Variants in RACGAP1 observed in about 807,000 individuals in gnomAD.
RACGAP1 encodes rac GTPase-activating protein 1.
Under a neutral mutation model 78.1 loss-of-function variants are expected in RACGAP1, and 30 were observed. The observed-to-expected ratio is 0.38, with a 90% CI of 0.29 to 0.52. The LOEUF (loss-of-function observed/expected upper bound fraction) is 0.52, where lower values mean the gene tolerates loss of function less well. RACGAP1 is among the 20% of genes least tolerant of loss of function. The pLI is 0.82. For synonymous variants in RACGAP1, 231 were observed against 264.8 expected, an observed-to-expected ratio of 0.87 and a Z score of 1.24; for missense variants, 587 against 777.1, an observed-to-expected ratio of 0.76 and a Z score of 2.91.
chr12:50,002,175 T>C (rs1212842770), intron 6 of RACGAP1, 72 bp downstream of exon 6: 6 of 1,308,566 alleles, frequency 4.6e-6, no homozygotes, highest in Non-Finnish European at 6.5e-6. Context: ...GAATGCAGTA[T>C]CATGGCAAAA....
upstream of RACGAP1, among the ~76,000 whole-genome samples, chr12:50,027,094 T>G (rs1021821414): frequency 7.2e-5 from 11 of 152,328 alleles, no homozygotes; most frequent in South Asian, 4.1e-4. Context: ...TCTCACAGGT[T>G]TATTCCCAGA....
chr12:49,992,777 G>A (rs1189804336), intron 12 of RACGAP1, 122 bp from the exon 13 acceptor site: 4 of 596,702 alleles, frequency 6.7e-6, no homozygotes, highest in Non-Finnish European at 1.1e-5. Context: ...ATTAGTTCAT[G>A]ACTACATCAG....
chr12:49,998,358 C>T (rs1344001745), intron 9 of RACGAP1, among the ~76,000 whole-genome samples: 2 of 151,130 alleles, frequency 1.3e-5, no homozygotes, highest in African/African-American at 4.9e-5. Flanking sequence ...GAGCCGAAAT[C>T]GCACCACTGC....
chr12:49,992,265 C>T lies in RACGAP1; in HGVS notation c.1558G>A (p.Asp520Asn). 6.2e-7 allele frequency: 1 copy of T among 1,614,164 alleles called. No individual in the cohort carries two copies. Among genetic ancestry groups the T allele is most frequent in the Non-Finnish European group, 8.5e-7 (1 of 1,180,044 alleles). ...PNPDPVTMLQ[D>N]IKRQPKVVER... Reference sequence around the variant, plus strand: ...CCTACCTTGGGTTGACGCTTGATGTCCTGTAACATTGTCACTGGGTCTGGA... The same window carrying T: ...CCTACCTTGGGTTGACGCTTGATGTTCTGTAACATTGTCACTGGGTCTGGA... The change falls in exon 14 of 17, where the codon GAC becomes AAC. Residue 520 changes from aspartate (D) to asparagine (N), a missense_variant. Asp to Asn is a conservative substitution (Grantham distance 23). Coordinates refer to ENST00000312377, the MANE Select transcript of RACGAP1 (RefSeq NM_001319999.2).
chr12:50,025,644 T>C (rs182584958), upstream of RACGAP1: 5 of 740,644 alleles, frequency 6.8e-6, no homozygotes, highest in African/African-American at 9.6e-5. Context: ...TTTTGACTAA[T>C]GTCAACGGTT....
At chr12:50,032,669 A>G in intron 1 of RACGAP1, among the ~76,000 whole-genome samples, 1 of 152,126 alleles carries the variant, frequency 6.6e-6, no homozygotes, top group East Asian at 1.9e-4. Flanking sequence ...TAACCGGAGA[A>G]GCTTGAGAGC....
intron 8 of RACGAP1, 134 bp downstream of exon 8, chr12:49,999,482 T>C: frequency 2.1e-6 from 2 of 953,796 alleles, no homozygotes; most frequent in African/African-American, 1.6e-5. Context: ...AGCAGTTCTC[T>C]GGTCCTCGGT....
At chr12:50,021,355 T>G (rs1949997968) in intron 1 of RACGAP1, among the ~76,000 whole-genome samples, 1 of 152,184 alleles carries the variant, frequency 6.6e-6, no homozygotes, top group African/African-American at 2.4e-5. Context: ...TGCTAGAGAA[T>G]CTCAGCTGTT....
Position 49,992,274 on chromosome 12 carries a change from T to C in RACGAP1, c.1549A>G (p.Met517Val), listed in dbSNP as rs1788904353. 1 of 1,614,168 alleles carries C rather than the reference T, an allele frequency of 6.2e-7. No individual in the cohort carries two copies. The highest frequency in any genetic ancestry group is 8.5e-7 in the Non-Finnish European group (1 of 1,180,034). Residue 517 changes from methionine (M) to valine (V), a missense_variant, in exon 14 of 17, where the codon ATG becomes GTG. Physicochemically the swap from Met to Val is conservative, Grantham distance 21 (BLOSUM62 1). Coordinates refer to ENST00000312377, the MANE Select transcript of RACGAP1 (RefSeq NM_001319999.2). ...HAVPNPDPVTMLQDIKRQPKV... is the reference protein window; with the variant it reads ...HAVPNPDPVTVLQDIKRQPKV... ...GGTTGACGCTTGATGTCCTGTAACA[T>C]TGTCACTGGGTCTGGATTGGGCACA...
intron 4 of RACGAP1, 51 bp from the exon 5 acceptor site, chr12:50,004,355 A>G: frequency 6.4e-7 from 1 of 1,552,640 alleles, no homozygotes; most frequent in Non-Finnish European, 8.8e-7. Flanking sequence ...GTGGAATGTA[A>G]AATTCACCAA....
chr12:49,994,744 C>T (rs1018714113), intron 10 of RACGAP1, among the ~76,000 whole-genome samples: 3 of 152,294 alleles, frequency 2.0e-5, no homozygotes, highest in Admixed American at 2.0e-4. Flanking sequence ...CATATATACA[C>T]CACACTGTTA....
chr12:50,017,309 G>C (rs1471601732), intron 1 of RACGAP1, among the ~76,000 whole-genome samples: 1 of 152,176 alleles, frequency 6.6e-6, no homozygotes, highest in Non-Finnish European at 1.5e-5. Flanking sequence ...GCTGGGCTGC[G>C]TGCAGGAACT....
chr12:50,002,481 T>G, intron 5 of RACGAP1, 181 bp from the exon 6 acceptor site: 1 of 392,610 alleles, frequency 2.5e-6, no homozygotes, highest in Non-Finnish European at 4.6e-6. Context: ...AGTAAGTTAA[T>G]GTGCTTTCTT....
chr12:50,009,488 C>T (rs577374196), intron 2 of RACGAP1, among the ~76,000 whole-genome samples: 7 of 151,942 alleles, frequency 4.6e-5, no homozygotes, highest in East Asian at 1.9e-4. Flanking sequence ...CATTTACTCC[C>T]GGAGGCCTTT....
upstream of RACGAP1, among the ~76,000 whole-genome samples, chr12:50,028,462 A>T (rs576961012): frequency 5.3e-5 from 8 of 152,318 alleles, no homozygotes; most frequent in African/African-American, 1.9e-4. Flanking sequence ...TTACTCCTCA[A>T]GTGATCTTTT....
intron 1 of RACGAP1, chr12:50,018,640 C>T: frequency 9.6e-7 from 1 of 1,041,010 alleles, no homozygotes; most frequent in Non-Finnish European, 1.3e-6. Context: ...TAAGGTATTA[C>T]TTTCTATCAT....
chr12:49,990,831 AAAG>A, intron 15 of RACGAP1, 39 bp from the exon 16 acceptor site: 1 of 1,523,478 alleles, frequency 6.6e-7, no homozygotes, highest in Non-Finnish European at 9.1e-7. Flanking sequence ...AGGTGGGAAA[AAAG>A]AAGGCATCTT....
At chr12:50,029,907 A>T (rs1240071972), upstream of RACGAP1, among the ~76,000 whole-genome samples, 1 of 152,088 alleles carries the variant, frequency 6.6e-6, no homozygotes, top group African/African-American at 2.4e-5. Flanking sequence ...AAAATAAATA[A>T]ATAAAAATTA....
In RACGAP1 at chr12:49,990,311, A is replaced by C. The variant is rs778767415; in HGVS notation, c.1856T>G (p.Leu619Arg). ...FGSKSKSATNLGRQGNFFASP... is the reference protein window; with the variant it reads ...FGSKSKSATNRGRQGNFFASP... ...AGCAAAAAAGTTGCCTTGTCGTCCT[A>C]GGTTAGTGGCAGACTTGCTTTTGCT... Residue 619 changes from leucine to arginine, a missense_variant, in exon 17 of 17, where the codon CTA (leucine) becomes CGA (arginine). Transcript: ENST00000312377. The C allele has an allele frequency of 6.3e-5, 102 of 1,613,842 alleles. No homozygotes were observed. Among genetic ancestry groups the C allele is most frequent in the Middle Eastern group, 1.6e-4 (1 of 6,082 alleles).
Sources: gnomAD v4.1 joint callset for allele counts (sites outside exome capture counted in the v4.1 genomes callset) on GRCh38, gnomAD v4.1.1 for gene constraint, MANE v1.5 for transcripts, NCBI Gene and HGNC (gene_info 2026-07-23, HGNC 2026-07-21) for gene names.